SEZ6L: variants seen among roughly 807,000 people sequenced by gnomAD.
SEZ6L encodes the protein seizure related 6 homolog like.
Under a neutral mutation model 106.2 loss-of-function variants are expected in SEZ6L, and 37 were observed. The observed-to-expected ratio is 0.35, with a 90% confidence interval of 0.27 to 0.46. The LOEUF (loss-of-function observed/expected upper bound fraction) is 0.46, where lower values mean the gene tolerates loss of function less well. Ranked by LOEUF, SEZ6L falls within the 20% of genes least tolerant of loss-of-function variation. The pLI is 1.00. For missense variants in SEZ6L, 1,172 were observed against 1,332.8 expected (o/e 0.88, Z 1.88); for synonymous variants, 541 against 570.4 (o/e 0.95, Z 0.73).
intron 1 of SEZ6L, among the ~76,000 whole-genome samples, chr22:26,238,645 A>C (rs1455955564): frequency 6.6e-6 from 1 of 152,250 alleles, no homozygotes; most frequent in East Asian, 1.9e-4. Flanking sequence ...GGGCACCAAC[A>C]ATAAGCCAGG....
At chr22:26,305,386 C>G (rs2081599141) in intron 5 of SEZ6L, among the ~76,000 whole-genome samples, 1 of 152,202 alleles carries the variant, frequency 6.6e-6, no homozygotes, top group Admixed American at 6.5e-5. Context: ...AAATTGCCCT[C>G]CCGAAAGGTC....
At chr22:26,218,774 T>C (rs2078370337) in intron 1 of SEZ6L, among the ~76,000 whole-genome samples, 2 of 152,078 alleles carry the variant, frequency 1.3e-5, no homozygotes, top group South Asian at 4.1e-4. Context: ...CTGTCTCTAC[T>C]AAAAATACAA....
chr22:26,287,577 G>A (rs1202496354), intron 1 of SEZ6L, among the ~76,000 whole-genome samples: 1 of 152,064 alleles, frequency 6.6e-6, no homozygotes, highest in African/African-American at 2.4e-5. Flanking sequence ...TAAAGTTGCT[G>A]GATAAGCAGT....
intron 1 of SEZ6L, among the ~76,000 whole-genome samples, chr22:26,238,040 C>T (rs542845156): frequency 5.3e-5 from 8 of 152,094 alleles, no homozygotes; most frequent in African/African-American, 1.7e-4. Flanking sequence ...CCAAGTTCCC[C>T]GGGGGAGATG....
chr22:26,339,437 T>C (rs900865049), intron 9 of SEZ6L, among the ~76,000 whole-genome samples: 9 of 152,254 alleles, frequency 5.9e-5, no homozygotes, highest in African/African-American at 2.2e-4. Flanking sequence ...ATCTAGCATG[T>C]CTGAGATGGC....
intron 1 of SEZ6L, among the ~76,000 whole-genome samples, chr22:26,184,054 G>A (rs1487464512): frequency 6.6e-6 from 1 of 152,182 alleles, no homozygotes; most frequent in Non-Finnish European, 1.5e-5. Context: ...CCATGGAACA[G>A]TGCCTTGGTT....
intron 1 of SEZ6L, among the ~76,000 whole-genome samples, chr22:26,232,443 C>A (rs1288428586): frequency 6.6e-6 from 1 of 151,102 alleles, no homozygotes; most frequent in Non-Finnish European, 1.5e-5. Flanking sequence ...CAAATGTCAA[C>A]CTTACCTGCC....
chr22:26,208,055 G>A (rs574426038), intron 1 of SEZ6L, among the ~76,000 whole-genome samples: 12 of 151,900 alleles, frequency 7.9e-5, no homozygotes, highest in South Asian at 6.3e-4. Flanking sequence ...GACTACAGGC[G>A]CGCGCCACCA....
At chr22:26,339,974 C>G (rs141178926) in intron 9 of SEZ6L, among the ~76,000 whole-genome samples, 7,061 of 152,216 alleles carry the variant, frequency 0.046, 524 homozygotes, top group African/African-American at 0.16. Flanking sequence ...GTGACTCACG[C>G]CTGTAATCCT....
chr22:26,383,402 T>C lies in SEZ6L; in HGVS notation c.*3107T>C, dbSNP rs2084470916. On this transcript the variant is annotated 3_prime_UTR_variant, in exon 17 of 17. Coordinates refer to ENST00000248933, the MANE Select transcript of SEZ6L (RefSeq NM_021115.5). ...ATCTTCCTATGTCCTTGACTAGGCA[T>C]GACGAGTCATTTGAGGTCAGATATT... 6.6e-6 allele frequency: 1 copy of C among 152,168 alleles called. No homozygotes were observed. Among genetic ancestry groups the C allele is most frequent in the Admixed American group, 6.5e-5 (1 of 15,276 alleles). 9.4% of individuals were successfully genotyped at this position (152,168 alleles called of 1,614,324 possible). A position where few individuals can be genotyped will look rare whatever the true frequency, so the allele number is the denominator to read the frequency against.
chr22:26,282,167 G>A (rs1250623144), intron 1 of SEZ6L, among the ~76,000 whole-genome samples: 1 of 152,200 alleles, frequency 6.6e-6, no homozygotes. Flanking sequence ...GAAAGCTCTT[G>A]CCGTGTTACA....
Position 26,169,776 on chromosome 22 carries a change from AG to A in SEZ6L, c.94+17del, listed in dbSNP as rs1938445772. ...GCGCTGGAGCGAGGTAAGCGCCCCG[AG>A]GGGCGGGGCGGGCAGGGGGCAAAGT... On this transcript the variant is annotated intron_variant, in intron 1 of 16. Transcript: ENST00000248933. The A allele has an allele frequency of 1.6e-6, 2 of 1,230,794 alleles. No homozygotes were observed. Among genetic ancestry groups the A allele is most frequent in the South Asian group, 3.5e-5 (1 of 28,740 alleles). The allele number at this position is 1,230,794 out of a possible 1,614,324, so 76.2% of individuals were successfully genotyped here. A position where few individuals can be genotyped will look rare whatever the true frequency, so the allele number is the denominator to read the frequency against.
intron 1 of SEZ6L, among the ~76,000 whole-genome samples, chr22:26,272,176 A>G (rs988791287): frequency 6.6e-6 from 1 of 152,212 alleles, no homozygotes; most frequent in African/African-American, 2.4e-5. Context: ...AAGAGAGCAA[A>G]CCTAAAAATT....
intron 5 of SEZ6L, 91 bp from the exon 6 acceptor site, chr22:26,305,888 T>TGCTC: frequency 8.4e-7 from 1 of 1,195,030 alleles, no homozygotes; most frequent in Non-Finnish European, 1.2e-6. Flanking sequence ...ACTCACTTCC[T>TGCTC]TCTCTCTCTC....
intron 1 of SEZ6L, among the ~76,000 whole-genome samples, chr22:26,263,885 C>T (rs1161366236): frequency 6.6e-6 from 1 of 152,200 alleles, no homozygotes; most frequent in Admixed American, 6.5e-5. Context: ...ACCTTTTAGT[C>T]CCCACAGCTA....
intron 1 of SEZ6L, among the ~76,000 whole-genome samples, chr22:26,178,465 G>C (rs2123770646): frequency 6.6e-6 from 1 of 152,334 alleles, no homozygotes; most frequent in African/African-American, 2.4e-5. Context: ...GTGAGGCATA[G>C]CTAATGTAGT....
intron 1 of SEZ6L, among the ~76,000 whole-genome samples, chr22:26,236,961 C>T (rs1324084538): frequency 3.3e-5 from 5 of 152,170 alleles, no homozygotes; most frequent in African/African-American, 9.7e-5. Context: ...CTCTGCTCCC[C>T]CTTTCATTCT....
chr22:26,310,395 G>T (rs905079057), intron 6 of SEZ6L, among the ~76,000 whole-genome samples: 1 of 152,194 alleles, frequency 6.6e-6, no homozygotes, highest in Non-Finnish European at 1.5e-5. Context: ...AATGTGCTGG[G>T]CATGGTGGGA....
chr22:26,281,553 T>TC (rs1486768606), intron 1 of SEZ6L, among the ~76,000 whole-genome samples: 1 of 151,660 alleles, frequency 6.6e-6, no homozygotes, highest in East Asian at 1.9e-4. Flanking sequence ...TTTTTTAAAT[T>TC]TTTTTTAGTA....
Sources: gnomAD v4.1 joint callset for allele counts (sites outside exome capture counted in the v4.1 genomes callset) on GRCh38, gnomAD v4.1.1 for gene constraint, MANE v1.5 for transcripts, NCBI Gene and HGNC (gene_info 2026-07-23, HGNC 2026-07-21) for gene names.